Variants in ACO2 observed in about 807,000 individuals in gnomAD.
ACO2 encodes the protein aconitase 2, also known as aconitate hydratase, mitochondrial.
In ACO2, 31 loss-of-function variants were observed where a neutral mutation model predicts 84.5. The ratio of observed to expected loss-of-function variants is 0.37; its 90% CI spans 0.28 to 0.50. ACO2 has a LOEUF of 0.50. Among genes scored for constraint, ACO2 ranks in the 20% least tolerant of loss-of-function variants. ACO2 has a pLI of 0.97. For synonymous variants in ACO2, 414 were observed against 412.7 expected, an observed-to-expected ratio of 1.00 and a Z score of -0.04; for missense variants, 685 against 1,029.3, an observed-to-expected ratio of 0.67 and a Z score of 4.58.
intron 1 of ACO2, among the ~76,000 whole-genome samples, chr22:41,494,231 A>G (rs1381525357): frequency 6.6e-6 from 1 of 152,144 alleles, no homozygotes; most frequent in Non-Finnish European, 1.5e-5. Context: ...GTCTGGGGCA[A>G]CAGCAGGCAC....
intron 1 of ACO2, among the ~76,000 whole-genome samples, chr22:41,481,102 A>G (rs1296727806): frequency 6.6e-6 from 1 of 152,020 alleles, no homozygotes; most frequent in East Asian, 1.9e-4. Context: ...ATGAGCCATT[A>G]CCCTCGGCCA....
chr22:41,525,539 G>A lies in ACO2; in HGVS notation c.1761+191G>A, dbSNP rs1286270087. Among the ~76,000 whole-genome samples the A allele has an allele frequency of 3.2e-4, 49 of 152,336 alleles. 1 individual carries two copies. The highest frequency in any genetic ancestry group is 2.9e-3 in the Admixed American group (44 of 15,312). On this transcript the variant is annotated intron_variant, in intron 14 of 17. Transcript: ENST00000216254. ...CAGCGTCCCCCTTCTCTGTGGCCCC[G>A]AACTGGGCAGAGCTAGATCTGGCCA...
At chr22:41,471,970 A>C (rs2037951333) in intron 1 of ACO2, among the ~76,000 whole-genome samples, 1 of 152,224 alleles carries the variant, frequency 6.6e-6, no homozygotes, top group Non-Finnish European at 1.5e-5. Context: ...GCCTTTAGAT[A>C]CAATAATAAT....
Position 41,528,022 on chromosome 22 carries a change from G to A in ACO2, c.2208G>A (p.Lys736=). ...GCCTGAAGGACTTCACCCCTGGCAA[G>A]GTTAGGGGCCCGGGTCCCCCTGAGG... is the stretch of plus-strand genomic sequence containing the variant. ...IQGLKDFTPG[K]PLKCIIKHPN... The change falls in exon 17 of 18, where the codon AAG becomes AAA. Residue 736 remains lysine (K), a splice_region_variant and synonymous_variant. Transcript: ENST00000216254. 1 of 1,614,134 alleles carries A rather than the reference G, an allele frequency of 6.2e-7. No homozygotes were observed.
In ACO2 at chr22:41,527,426, C is replaced by G; in HGVS notation, c.2086+6C>G. On this transcript the variant is annotated splice_donor_region_variant and intron_variant, in intron 16 of 17. Coordinates refer to ENST00000216254, the MANE Select transcript of ACO2 (RefSeq NM_001098.3). ...GAGCTTTGCCAGGATCCACGGTGAGCTGGAGTCTGTACCCAGGCCATCCTC... is the reference window on the plus strand; with the variant it reads ...GAGCTTTGCCAGGATCCACGGTGAGGTGGAGTCTGTACCCAGGCCATCCTC... 1.2e-6 allele frequency: 2 copies of G among 1,607,314 alleles called. No individual in the cohort carries two copies. Among genetic ancestry groups the G allele is most frequent in the Non-Finnish European group, 1.7e-6 (2 of 1,177,410 alleles).
chr22:41,515,238 G>A lies in ACO2; in HGVS notation c.526-139G>A. 9.8e-7 allele frequency: 1 copy of A among 1,022,022 alleles called. No homozygotes were observed. Among genetic ancestry groups the A allele is most frequent in the Non-Finnish European group, 1.5e-6 (1 of 681,486 alleles). The allele number at this position is 1,022,022 out of a possible 1,614,324, so 63.3% of individuals were successfully genotyped here. ...TTCTTGGCCACCCTGGAGACGGCCTGGATTAAATGGGGCTGCTCCTACCAG... is the reference window on the plus strand; with the variant it reads ...TTCTTGGCCACCCTGGAGACGGCCTAGATTAAATGGGGCTGCTCCTACCAG... On this transcript the variant is annotated intron_variant, in intron 4 of 17. Coordinates refer to ENST00000216254, the MANE Select transcript of ACO2 (RefSeq NM_001098.3). This position sits in a 1 kb window ranked among gnomAD's most constrained non-coding sequence, Gnocchi z 5.8.
At chr22:41,481,782 G>A (rs1244771621) in intron 1 of ACO2, among the ~76,000 whole-genome samples, 3 of 152,124 alleles carry the variant, frequency 2.0e-5, no homozygotes, top group East Asian at 3.9e-4. Context: ...GTCGTGTCAC[G>A]GCTCTGCCTT....
At chr22:41,493,359 A>T (rs79013) in intron 1 of ACO2, among the ~76,000 whole-genome samples, 123,562 of 150,666 alleles carry the variant, frequency 0.82, 51,528 homozygotes, top group African/African-American at 0.95. Flanking sequence ...GAATGAAATT[A>T]AAAAAAAAAA....
rs377190075 is a variant in ACO2, at chr22:41,515,575, G to A, written c.684+40G>A. 210 of 1,586,216 alleles carry A rather than the reference G, an allele frequency of 1.3e-4. 2 individuals carry two copies. The highest frequency in any genetic ancestry group is 3.4e-4 in the Middle Eastern group (2 of 5,860). ...GGACTCATTCTGGGCTGGCTGTGGG[G>A]TGGTGGTTGGTGGGGATGAACGGGA... is the stretch of plus-strand genomic sequence containing the variant. On this transcript the variant is annotated intron_variant, in intron 5 of 17. Coordinates refer to ENST00000216254, the MANE Select transcript of ACO2 (RefSeq NM_001098.3). The surrounding 1 kb of genome is among the most constrained non-coding windows in gnomAD (Gnocchi z 5.8).
At chr22:41,527,635 G>A (rs934789793) in intron 16 of ACO2, 12 of 808,906 alleles carry the variant, frequency 1.5e-5, no homozygotes, top group African/African-American at 1.4e-4. Context: ...TTGTAGATCT[G>A]AGCCGCTGAG....
chr22:41,515,869 G>T lies in ACO2; in HGVS notation c.787G>T (p.Ala263Ser), dbSNP rs2066472274. ...CCTCACGGTGAAAGGTGGCACAGGTGCAATCGTGGAATACCACGGGCCTGG... is the reference window on the plus strand; with the variant it reads ...CCTCACGGTGAAAGGTGGCACAGGTTCAATCGTGGAATACCACGGGCCTGG... ...GILTVKGGTG[A>S]IVEYHGPGVD... Residue 263 changes from alanine (A) to serine (S), a missense_variant, in exon 6 of 18, where the codon GCA (alanine) becomes TCA (serine). Around this residue, in one of 5 missense-constraint regions of ACO2, gnomAD observed 311 missense variants for 441.6 expected, o/e 0.70. Transcript: ENST00000216254. This position sits in a 1 kb window ranked among gnomAD's most constrained non-coding sequence, Gnocchi z 5.8. The T allele has an allele frequency of 1.2e-6, 2 of 1,614,122 alleles. No homozygotes were observed. The highest frequency in any genetic ancestry group is 1.7e-6 in the Non-Finnish European group (2 of 1,180,054).
intron 15 of ACO2, chr22:41,526,800 G>T: frequency 3.1e-6 from 1 of 318,852 alleles, no homozygotes. Context: ...CAGGCAGAGA[G>T]GGTCTGAGGT....
chr22:41,515,751 G>A lies in ACO2; in HGVS notation c.685-16G>A, dbSNP rs769274301. Reference sequence around the variant, plus strand: ...ACACACGGCCTCTCACAGCCGCCTCGCCCCCTCCTGTCCAGGTGATTGGCG... The same window carrying A: ...ACACACGGCCTCTCACAGCCGCCTCACCCCCTCCTGTCCAGGTGATTGGCG... On this transcript the variant is annotated splice_polypyrimidine_tract_variant and intron_variant, in intron 5 of 17. Coordinates refer to ENST00000216254, the MANE Select transcript of ACO2 (RefSeq NM_001098.3). The surrounding 1 kb of genome is among the most constrained non-coding windows in gnomAD (Gnocchi z 5.8). The A allele has an allele frequency of 3.4e-5, 55 of 1,612,500 alleles. No individual in the cohort carries two copies. Among genetic ancestry groups the A allele is most frequent in the Admixed American group, 2.7e-4 (16 of 60,006 alleles).
intron 2 of ACO2, among the ~76,000 whole-genome samples, chr22:41,505,093 G>T (rs575212844): frequency 2.6e-4 from 40 of 152,010 alleles, no homozygotes; most frequent in East Asian, 7.7e-4. Flanking sequence ...AAGTTTCTCT[G>T]CCATCTCACT....
chr22:41,499,021 C>T (rs1341859896), intron 1 of ACO2, among the ~76,000 whole-genome samples: 4 of 151,250 alleles, frequency 2.6e-5, no homozygotes, highest in Non-Finnish European at 5.9e-5. Context: ...AGCTTGAACC[C>T]AGGAGGCGGC....
In ACO2 at chr22:41,481,340, T is replaced by G. The variant is rs564847836; in HGVS notation, c.36+12158T>G. Among the ~76,000 whole-genome samples the G allele has an allele frequency of 2.0e-5, 3 of 152,260 alleles. No homozygotes were observed. The South Asian group carries it at 6.2e-4, about 32-fold the overall frequency. The stretch of plus-strand genomic sequence containing the variant: ...TCTCTGTCAGTTGTTAAAGCAACTG[T>G]CTCAAGAGACCTGGCCTCTCCCGGA... On this transcript the variant is annotated intron_variant, in intron 1 of 17. Coordinates refer to ENST00000216254, the MANE Select transcript of ACO2 (RefSeq NM_001098.3).
intron 2 of ACO2, among the ~76,000 whole-genome samples, chr22:41,502,955 A>C (rs1057495583): frequency 2.0e-5 from 3 of 151,872 alleles, no homozygotes; most frequent in Non-Finnish European, 4.4e-5. Flanking sequence ...GGGCTGCCCA[A>C]GCTGGTCTTG....
chr22:41,486,099 G>A (rs893014821), intron 1 of ACO2, among the ~76,000 whole-genome samples: 2 of 152,066 alleles, frequency 1.3e-5, no homozygotes, highest in Non-Finnish European at 2.9e-5. Flanking sequence ...CTCCACTCCT[G>A]CCCCTTGTGT....
intron 1 of ACO2, among the ~76,000 whole-genome samples, chr22:41,476,409 A>AT (rs1305064219): frequency 7.2e-6 from 1 of 138,336 alleles, no homozygotes; most frequent in Non-Finnish European, 1.6e-5. Context: ...CTCTGTCTTA[A>AT]AAAAAAAAAA....
Sources: allele counts gnomAD v4.1 joint callset (sites outside exome capture counted in the v4.1 genomes callset), GRCh38; gene constraint gnomAD v4.1.1; regional missense constraint gnomAD v4.1.1; non-coding constraint Gnocchi (gnomAD v3.1); transcripts MANE v1.5; gene names NCBI Gene and HGNC (gene_info 2026-07-23, HGNC 2026-07-21).